Variants in DPP10 observed in about 807,000 individuals in gnomAD.
DPP10 encodes inactive dipeptidyl peptidase 10.
DPP10 carries 33 observed loss-of-function variants against 120.9 expected under a neutral mutation model. That is an observed-to-expected ratio of 0.27 (90% CI 0.21 to 0.37). The LOEUF is 0.37. Ranked by LOEUF, DPP10 falls within the 10% of genes least tolerant of loss-of-function variation. The pLI, the probability that DPP10 is intolerant of heterozygous loss-of-function variation, is 1.00. For missense variants in DPP10, 816 were observed against 942.8 expected (o/e 0.87, Z 1.76); for synonymous variants, 337 against 326.1 (o/e 1.03, Z -0.36).
chr2:115,810,329 A>G (rs986866658), intron 19 of DPP10, among the ~76,000 whole-genome samples: 6 of 152,220 alleles, frequency 3.9e-5, no homozygotes, highest in African/African-American at 1.2e-4. Flanking sequence ...AGTCTTCTGT[A>G]TATAAATTCA....
At chr2:115,106,769 A>T (rs7587705) in intron 1 of DPP10, among the ~76,000 whole-genome samples, 108,979 of 151,998 alleles carry the variant, frequency 0.72, 39,528 homozygotes, top group East Asian at 0.98. Context: ...CCTGATGTGT[A>T]CTCTCTTAAA....
chr2:115,554,468 A>G (rs1347477401), intron 5 of DPP10, among the ~76,000 whole-genome samples: 1 of 152,002 alleles, frequency 6.6e-6, no homozygotes, highest in Non-Finnish European at 1.5e-5. Context: ...CCACCTACTG[A>G]TTTGGGGTAG....
chr2:115,552,126 CA>C (rs1309621760), intron 5 of DPP10, among the ~76,000 whole-genome samples: 1 of 152,078 alleles, frequency 6.6e-6, no homozygotes, highest in African/African-American at 2.4e-5. Flanking sequence ...ATCAATGAAA[CA>C]AAGTATTTCC....
rs141388580 is a variant in DPP10, at chr2:114,529,318, T to C, written c.60+86480T>C. Among the ~76,000 whole-genome samples, 316 of 152,300 alleles carry C rather than the reference T, an allele frequency of 2.1e-3. 1 individual carries two copies. The highest frequency in any genetic ancestry group is 3.0e-3 in the Non-Finnish European group (206 of 68,022). ...CAACCCACTATTTTTCCCATACTCA[T>C]GTTGCCCACTTCAAAACTGCTCTTC... On this transcript the variant is annotated intron_variant, in intron 1 of 25. Transcript: ENST00000410059.
intron 1 of DPP10, among the ~76,000 whole-genome samples, chr2:115,024,188 C>A (rs1306891664): frequency 6.6e-6 from 1 of 152,048 alleles, no homozygotes; most frequent in Non-Finnish European, 1.5e-5. Context: ...GAAAAACCAA[C>A]AACATATTTG....
chr2:115,554,001 T>TCA (rs71881888), intron 5 of DPP10, among the ~76,000 whole-genome samples: 14,952 of 135,382 alleles, frequency 0.11, 964 homozygotes, highest in Admixed American at 0.24. Context: ...TCTCTCTCTT[T>TCA]CACACACACA....
chr2:114,672,346 T>G (rs1209537886), intron 1 of DPP10, among the ~76,000 whole-genome samples: 2 of 152,184 alleles, frequency 1.3e-5, no homozygotes, highest in Admixed American at 1.3e-4. Context: ...AAGTTATCCC[T>G]TTTTCTGTCT....
intron 1 of DPP10, among the ~76,000 whole-genome samples, chr2:114,600,217 A>C (rs1371776104): frequency 6.6e-6 from 1 of 151,664 alleles, no homozygotes; most frequent in Non-Finnish European, 1.5e-5. Flanking sequence ...TTAATGTTTA[A>C]AAACTTTTTT....
intron 1 of DPP10, among the ~76,000 whole-genome samples, chr2:115,189,217 C>T (rs1013835539): frequency 2.0e-5 from 3 of 152,182 alleles, no homozygotes; most frequent in Non-Finnish European, 2.9e-5. Flanking sequence ...GTGTCATTCC[C>T]CTGTTGTCTA....
intron 1 of DPP10, among the ~76,000 whole-genome samples, chr2:114,623,872 G>A (rs1694289924): frequency 6.6e-6 from 1 of 151,952 alleles, no homozygotes; most frequent in Non-Finnish European, 1.5e-5. Flanking sequence ...CAGTTACTGA[G>A]CAATTACTAT....
chr2:115,145,148 A>G (rs2051153219), intron 1 of DPP10: 1 of 152,142 alleles, frequency 6.6e-6, no homozygotes, highest in Admixed American at 6.5e-5. Flanking sequence ...TGTGTCAGAA[A>G]AAAAAAAGAA....
At chr2:115,162,281 T>C in intron 1 of DPP10, 2 of 1,538,832 alleles carry the variant, frequency 1.3e-6, no homozygotes, top group South Asian at 1.2e-5. Context: ...AGGTAAAGGC[T>C]GAAGGTGCCC....
chr2:115,016,038 C>A (rs763284163), intron 1 of DPP10, among the ~76,000 whole-genome samples: 2 of 152,044 alleles, frequency 1.3e-5, no homozygotes, highest in Admixed American at 6.6e-5. Flanking sequence ...GCCCATATAG[C>A]CAAGACAATC....
intron 1 of DPP10, among the ~76,000 whole-genome samples, chr2:115,208,263 G>A (rs1298175615): frequency 3.4e-5 from 5 of 145,696 alleles, no homozygotes; most frequent in Non-Finnish European, 5.9e-5. Flanking sequence ...GCAATGGCAC[G>A]ATCTTGGCTC....
intron 1 of DPP10, among the ~76,000 whole-genome samples, chr2:114,599,995 A>G (rs1009946944): frequency 6.6e-6 from 1 of 151,566 alleles, no homozygotes; most frequent in Non-Finnish European, 1.5e-5. Context: ...ACTATTATGT[A>G]TCTAGGGTCT....
intron 1 of DPP10, among the ~76,000 whole-genome samples, chr2:114,647,085 G>A (rs866639022): frequency 3.9e-5 from 6 of 152,170 alleles, no homozygotes; most frequent in Admixed American, 1.3e-4. Flanking sequence ...AGCCGTGGTC[G>A]TTGCCTCCTA....
At chr2:115,506,748 ATATC>A (rs2076963760) in intron 4 of DPP10, among the ~76,000 whole-genome samples, 1 of 152,252 alleles carries the variant, frequency 6.6e-6, no homozygotes, top group South Asian at 2.1e-4. Context: ...TGATCTATCT[ATATC>A]TATCAATCAA....
intron 1 of DPP10, among the ~76,000 whole-genome samples, chr2:114,475,379 G>T (rs1017738763): frequency 3.9e-5 from 6 of 152,120 alleles, no homozygotes; most frequent in African/African-American, 9.7e-5. Context: ...ATACCCAGTT[G>T]TTATTGCCAT....
intron 7 of DPP10, among the ~76,000 whole-genome samples, chr2:115,699,829 A>G (rs1165354792): frequency 6.6e-6 from 1 of 152,234 alleles, no homozygotes; most frequent in Non-Finnish European, 1.5e-5. Context: ...TATACAACAT[A>G]GCTAACTGGG....
Sources: gnomAD v4.1 joint callset for allele counts (sites outside exome capture counted in the v4.1 genomes callset) on GRCh38, gnomAD v4.1.1 for gene constraint, MANE v1.5 for transcripts, NCBI Gene and HGNC (gene_info 2026-07-23, HGNC 2026-07-21) for gene names.